PRKD1: variants seen among roughly 807,000 people sequenced by gnomAD.
The protein encoded by PRKD1 is protein kinase D1.
A neutral mutation model predicts 95.9 loss-of-function variants in PRKD1; 63 were observed. The ratio of observed to expected loss-of-function variants is 0.66; its 90% confidence interval spans 0.54 to 0.81. The LOEUF (loss-of-function observed/expected upper bound fraction) is 0.81, where lower values mean the gene tolerates loss of function less well. Ranked by LOEUF, PRKD1 falls within the 30% of genes least tolerant of loss-of-function variation. The pLI is 0.00. For synonymous variants in PRKD1, 425 were observed against 423.1 expected (o/e 1.00, Z -0.05); for missense variants, 1,048 against 1,165.3 (o/e 0.90, Z 1.47).
intron 10 of PRKD1, 72 bp downstream of exon 10, chr14:29,630,670 G>A: frequency 6.4e-7 from 1 of 1,574,336 alleles, no homozygotes. Flanking sequence ...AGGAAGGGCA[G>A]GGCACATGTT....
intron 1 of PRKD1, among the ~76,000 whole-genome samples, chr14:29,899,437 C>T (rs750077337): frequency 2.6e-5 from 4 of 151,956 alleles, no homozygotes; most frequent in Non-Finnish European, 5.9e-5. Context: ...ACTTAAGGCC[C>T]GGAGTTCAAG....
chr14:29,901,927 T>G (rs1330459709), intron 1 of PRKD1, among the ~76,000 whole-genome samples: 2 of 152,180 alleles, frequency 1.3e-5, no homozygotes, highest in Admixed American at 6.5e-5. Context: ...CTCTTTGACT[T>G]TGTACCTCCA....
chr14:29,615,559 T>C (rs916987651), intron 13 of PRKD1, among the ~76,000 whole-genome samples: 20 of 152,342 alleles, frequency 1.3e-4, no homozygotes, highest in Middle Eastern at 3.4e-3. Flanking sequence ...GTTTTGCCAA[T>C]GCCGGGCTTC....
intron 17 of PRKD1, 116 bp downstream of exon 17, chr14:29,578,159 A>C: frequency 1.2e-6 from 1 of 802,202 alleles, no homozygotes; most frequent in Non-Finnish European, 2.0e-6. Context: ...TGAGCAAATA[A>C]ATTGATATTA....
At chr14:29,578,642 T>TCTTTAACAC (rs1198889902) in intron 16 of PRKD1, among the ~76,000 whole-genome samples, 3 of 151,370 alleles carry the variant, frequency 2.0e-5, no homozygotes, top group Admixed American at 2.0e-4. Context: ...ATTGGTCTAC[T>TCTTTAACAC]CTTTAACACT....
intron 1 of PRKD1, among the ~76,000 whole-genome samples, chr14:29,733,436 C>A (rs1886556542): frequency 2.0e-5 from 3 of 152,054 alleles, no homozygotes. Flanking sequence ...GTCTAATCTG[C>A]CATTTAAATA....
rs139392209 is a variant in PRKD1 at position 29,889,076 on chromosome 14, G to A, written c.264+38173C>T. 4.7e-4 allele frequency among the ~76,000 whole-genome samples: 71 copies of A among 152,176 alleles called. 1 individual carries two copies. Among genetic ancestry groups the A allele is most frequent in the South Asian group, 1.0e-3 (5 of 4,818 alleles). ...TCAGGTGACTAATATTAACAGCATTGGTCCTCTAGTCCTTGAGTCATTAAT... is the reference window on the plus strand; with the variant it reads ...TCAGGTGACTAATATTAACAGCATTAGTCCTCTAGTCCTTGAGTCATTAAT... On this transcript the variant is annotated intron_variant, in intron 1 of 17. Coordinates refer to ENST00000331968, the MANE Select transcript of PRKD1 (RefSeq NM_002742.3).
intron 1 of PRKD1, among the ~76,000 whole-genome samples, chr14:29,806,796 C>CT (rs1463249809): frequency 6.6e-6 from 1 of 152,106 alleles, no homozygotes; most frequent in Non-Finnish European, 1.5e-5. Flanking sequence ...ACTTTTGCAA[C>CT]TGAAACAAGA....
intron 1 of PRKD1, among the ~76,000 whole-genome samples, chr14:29,837,678 G>GTACTA (rs1223300054): frequency 6.6e-6 from 1 of 152,052 alleles, no homozygotes; most frequent in East Asian, 1.9e-4. Flanking sequence ...CAAACACAAA[G>GTACTA]TACTACCATT....
At chr14:29,828,774 C>G (rs541258622) in intron 1 of PRKD1, among the ~76,000 whole-genome samples, 1 of 152,220 alleles carries the variant, frequency 6.6e-6, no homozygotes, top group East Asian at 1.9e-4. Context: ...ACCTTGAAAC[C>G]ACCTGTATAA....
chr14:29,630,170 C>T (rs1879901287), intron 10 of PRKD1, among the ~76,000 whole-genome samples: 1 of 151,992 alleles, frequency 6.6e-6, no homozygotes, highest in South Asian at 2.1e-4. Context: ...CCTCCTCCTC[C>T]TCTTTCTTGC....
At chr14:29,637,156 C>T (rs1880439826) in intron 6 of PRKD1, among the ~76,000 whole-genome samples, 1 of 152,098 alleles carries the variant, frequency 6.6e-6, no homozygotes, top group African/African-American at 2.4e-5. Flanking sequence ...TTTAGAAGCA[C>T]AGCCCTGGTG....
intron 2 of PRKD1, among the ~76,000 whole-genome samples, chr14:29,694,014 A>G (rs1296368993): frequency 6.6e-6 from 1 of 152,186 alleles, no homozygotes; most frequent in Non-Finnish European, 1.5e-5. Context: ...ATTTGAAAAT[A>G]TGCATCAACC....
intron 1 of PRKD1, among the ~76,000 whole-genome samples, chr14:29,787,222 T>TG (rs1213138286): frequency 6.7e-6 from 1 of 149,954 alleles, no homozygotes; most frequent in Non-Finnish European, 1.5e-5. Context: ...AGTGTTTTTT[T>TG]TTTTTTTTTT....
intron 2 of PRKD1, among the ~76,000 whole-genome samples, chr14:29,674,394 T>A (rs1404311199): frequency 6.6e-6 from 1 of 152,084 alleles, no homozygotes; most frequent in East Asian, 1.9e-4. Context: ...CTAAAATGAA[T>A]CAATTAACAG....
At chr14:29,881,573 G>A (rs543434200) in intron 1 of PRKD1, among the ~76,000 whole-genome samples, 2 of 151,524 alleles carry the variant, frequency 1.3e-5, no homozygotes, top group Admixed American at 1.3e-4. Flanking sequence ...TTTTTGTTTT[G>A]TTTTGCTTCT....
At chr14:29,748,709 T>C (rs925093695) in intron 1 of PRKD1, among the ~76,000 whole-genome samples, 10 of 152,170 alleles carry the variant, frequency 6.6e-5, no homozygotes, top group African/African-American at 2.2e-4. Context: ...AAGCACATAA[T>C]AGGTATTCAG....
chr14:29,826,497 CAT>C (rs1463351081), intron 1 of PRKD1, among the ~76,000 whole-genome samples: 1 of 110,964 alleles, frequency 9.0e-6, no homozygotes, highest in African/African-American at 3.6e-5. Flanking sequence ...TATATGTATA[CAT>C]ATATATGATG....
intron 1 of PRKD1, among the ~76,000 whole-genome samples, chr14:29,823,076 G>A (rs1040344316): frequency 2.6e-5 from 4 of 152,130 alleles, no homozygotes; most frequent in East Asian, 3.8e-4. Context: ...CCTTAGACAC[G>A]TTGTTTGATT....
Sources: gnomAD v4.1 joint callset for allele counts (sites outside exome capture counted in the v4.1 genomes callset) on GRCh38, gnomAD v4.1.1 for gene constraint, MANE v1.5 for transcripts, NCBI Gene and HGNC (gene_info 2026-07-23, HGNC 2026-07-21) for gene names.